The following CNTN3 variants were observed in gnomAD, a reference collection of about 807,000 sequenced individuals.
CNTN3 encodes the protein contactin 3.
CNTN3 carries 60 observed loss-of-function variants against 119.1 expected under a neutral mutation model. The ratio of observed to expected loss-of-function variants is 0.50; its 90% CI spans 0.41 to 0.62. The LOEUF (loss-of-function observed/expected upper bound fraction) is 0.62. Among genes scored for constraint, CNTN3 ranks in the 20% least tolerant of loss-of-function variants. The pLI is 0.00. For missense variants in CNTN3, 1,101 were observed against 1,242.4 expected, an observed-to-expected ratio of 0.89 and a Z score of 1.71; for synonymous variants, 450 against 438.7, an observed-to-expected ratio of 1.03 and a Z score of -0.32.
chr3:74,350,118 A>T (rs116730011), intron 11 of CNTN3, among the ~76,000 whole-genome samples: 3,057 of 152,322 alleles, frequency 0.02, 101 homozygotes, highest in African/African-American at 0.069. Context: ...TGTGTCAGCA[A>T]TCTGTTTAAA....
chr3:74,486,510 C>T lies in CNTN3; in HGVS notation c.304G>A (p.Ala102Thr). The change falls in exon 4 of 23, where the codon GCA becomes ACA. Residue 102 changes from alanine to threonine, a missense_variant. Transcript: ENST00000263665. ...NWDTGTYQCF[A>T]TNSLGTIVSR... ...ACAATTGTTCCAAGTGAATTTGTTGCAAAACATTGGTAAGTTCCTGTATCC... is the reference window on the plus strand; with the variant it reads ...ACAATTGTTCCAAGTGAATTTGTTGTAAAACATTGGTAAGTTCCTGTATCC... 6.2e-7 allele frequency: 1 copy of T among 1,605,980 alleles called. No homozygotes were observed. Among genetic ancestry groups the T allele is most frequent in the Non-Finnish European group, 8.5e-7 (1 of 1,178,244 alleles).
At position 74,268,530 on chromosome 3, in the gene CNTN3, C is replaced by T. The variant is rs535464370; in HGVS notation, c.2705-1152G>A. Among the ~76,000 whole-genome samples the T allele has an allele frequency of 1.0e-3, 153 of 152,212 alleles. 1 individual carries two copies. Among genetic ancestry groups the T allele is most frequent in the South Asian group, 1.7e-3 (8 of 4,826 alleles). On this transcript the variant is annotated intron_variant, in intron 20 of 22. Transcript: ENST00000263665. Reference sequence around the variant, plus strand: ...CATTTATGAGTCTAATGACACCAAACGAGATTGTATTCCCTGTGGATTTCT... The same window carrying T: ...CATTTATGAGTCTAATGACACCAAATGAGATTGTATTCCCTGTGGATTTCT...
intron 5 of CNTN3, among the ~76,000 whole-genome samples, chr3:74,422,627 C>T (rs1198227547): frequency 6.6e-6 from 1 of 152,158 alleles, no homozygotes; most frequent in Admixed American, 6.5e-5. Flanking sequence ...CCTTTCCGAT[C>T]AATGAATGTA....
intron 13 of CNTN3, among the ~76,000 whole-genome samples, chr3:74,324,118 A>G (rs949135950): frequency 2.0e-5 from 3 of 152,218 alleles, no homozygotes; most frequent in East Asian, 1.9e-4. Context: ...GTGGTATCTT[A>G]TATTTTTCAA....
At chr3:74,485,688 A>G (rs1702842887) in intron 4 of CNTN3, among the ~76,000 whole-genome samples, 2 of 152,014 alleles carry the variant, frequency 1.3e-5, no homozygotes, top group Non-Finnish European at 2.9e-5. Context: ...GGTAATCATG[A>G]TATGCATTAT....
intron 13 of CNTN3, among the ~76,000 whole-genome samples, chr3:74,311,686 G>A (rs1334249565): frequency 6.6e-6 from 1 of 152,070 alleles, no homozygotes; most frequent in Non-Finnish European, 1.5e-5. Flanking sequence ...TTAAAAAATG[G>A]GCCAGCTAAC....
At chr3:74,377,115 A>G (rs904784414) in intron 5 of CNTN3, among the ~76,000 whole-genome samples, 3 of 152,122 alleles carry the variant, frequency 2.0e-5, no homozygotes, top group Non-Finnish European at 4.4e-5. Context: ...CACACCCTTA[A>G]AGACATAGAA....
Position 74,365,714 on chromosome 3 carries a change from G to A in CNTN3, c.947-12C>T. On this transcript the variant is annotated splice_polypyrimidine_tract_variant and intron_variant, in intron 8 of 22. Transcript: ENST00000263665. ...CCAATGGGGCTTTGCTTCAATGAAA[G>A]AAAAGGAAAAAGAAAAGAAATTTAA... 6.3e-7 allele frequency: 1 copy of A among 1,587,192 alleles called. No homozygotes were observed. Among genetic ancestry groups the A allele is most frequent in the Admixed American group, 1.8e-5 (1 of 55,120 alleles).
chr3:74,537,689 T>G (rs919057726), intron 1 of CNTN3, among the ~76,000 whole-genome samples: 4 of 152,132 alleles, frequency 2.6e-5, no homozygotes, highest in African/African-American at 9.6e-5. Context: ...GTTCCCCAAA[T>G]GAGCTGTTTT....
At chr3:74,360,098 G>A (rs532339212) in intron 11 of CNTN3, among the ~76,000 whole-genome samples, 5 of 152,194 alleles carry the variant, frequency 3.3e-5, no homozygotes, top group South Asian at 4.1e-4. Flanking sequence ...AGGCATCTTC[G>A]GCTAAATACT....
At chr3:74,463,943 T>C (rs887451729) in intron 4 of CNTN3, among the ~76,000 whole-genome samples, 1 of 152,194 alleles carries the variant, frequency 6.6e-6, no homozygotes, top group Non-Finnish European at 1.5e-5. Flanking sequence ...GTTTCTATTA[T>C]ATTTAATGCA....
At chr3:74,582,931 C>G (rs1332088817) in intron 1 of CNTN3, among the ~76,000 whole-genome samples, 1 of 152,054 alleles carries the variant, frequency 6.6e-6, no homozygotes, top group Non-Finnish European at 1.5e-5. Flanking sequence ...TTGTCTCATT[C>G]GAACCTGTGG....
intron 1 of CNTN3, among the ~76,000 whole-genome samples, chr3:74,524,160 C>T (rs757940470): frequency 3.3e-5 from 5 of 151,830 alleles, no homozygotes; most frequent in African/African-American, 7.2e-5. Flanking sequence ...ACAATCCATC[C>T]CCAAGATAAC....
chr3:74,510,935 T>C (rs545065229), intron 2 of CNTN3, among the ~76,000 whole-genome samples: 1 of 152,186 alleles, frequency 6.6e-6, no homozygotes, highest in African/African-American at 2.4e-5. Flanking sequence ...AGATAGAACC[T>C]GGGCTAGTTT....
At chr3:74,600,680 T>TA (rs1704895470) in intron 1 of CNTN3, among the ~76,000 whole-genome samples, 1 of 152,072 alleles carries the variant, frequency 6.6e-6, no homozygotes, top group Non-Finnish European at 1.5e-5. Context: ...CACACTCTAA[T>TA]AACATTCAAG....
At chr3:74,500,273 G>C (rs1421180129) in intron 2 of CNTN3, among the ~76,000 whole-genome samples, 1 of 151,820 alleles carries the variant, frequency 6.6e-6, no homozygotes, top group Non-Finnish European at 1.5e-5. Flanking sequence ...TTTATTACTA[G>C]CAAATTGAAG....
Position 74,334,749 on chromosome 3 carries a change from C to G in CNTN3, c.1654G>C (p.Glu552Gln). 1 of 1,613,156 alleles carries G rather than the reference C, an allele frequency of 6.2e-7. No homozygotes were observed. Among genetic ancestry groups the G allele is most frequent in the Non-Finnish European group, 8.5e-7 (1 of 1,179,432 alleles). The part of the protein sequence containing the change: ...ADFKKDGSHF[E>Q]KVGGSSSGDL... ...CCACAACTTACCCCACCAACTTTCT[C>G]AAAGTGAGATCCATCTTTCTTAAAA... The change falls in exon 13 of 23, where the codon GAG becomes CAG. Residue 552 changes from glutamate to glutamine, a missense_variant. Glu to Gln is a conservative substitution (Grantham distance 29). Transcript: ENST00000263665.
In CNTN3 at chr3:74,604,213, A is replaced by G. The variant is rs1704957380; in HGVS notation, c.-81+10178T>C. 2.0e-5 allele frequency among the ~76,000 whole-genome samples: 3 copies of G among 152,176 alleles called. No individual in the cohort carries two copies. The South Asian group carries it at 6.2e-4, about 31-fold the overall frequency. On this transcript the variant is annotated intron_variant, in intron 1 of 22. Transcript: ENST00000263665. ...AGACCTGAAACCATAAAACTACTAG[A>G]AGGAAGCACAGGGAAAAGGCTCCAT... is the stretch of plus-strand genomic sequence containing the variant.
chr3:74,546,497 T>C (rs1365405046), intron 1 of CNTN3, among the ~76,000 whole-genome samples: 1 of 152,150 alleles, frequency 6.6e-6, no homozygotes, highest in Non-Finnish European at 1.5e-5. Flanking sequence ...CCAGCACAGC[T>C]AGAATAAAAG....
Sources: gnomAD v4.1 joint callset for allele counts (sites outside exome capture counted in the v4.1 genomes callset) on GRCh38, gnomAD v4.1.1 for gene constraint, MANE v1.5 for transcripts, NCBI Gene and HGNC (gene_info 2026-07-23, HGNC 2026-07-21) for gene names.